Variants in GALNT13 observed in about 807,000 individuals in gnomAD.
GALNT13 encodes polypeptide N-acetylgalactosaminyltransferase 13.
A neutral mutation model predicts 64.2 loss-of-function variants in GALNT13; 28 were observed. The observed-to-expected ratio is 0.44, with a 90% CI of 0.32 to 0.60. The LOEUF (loss-of-function observed/expected upper bound fraction) is 0.60, where lower values mean the gene tolerates loss of function less well. Among genes scored for constraint, GALNT13 ranks in the 20% least tolerant of loss-of-function variants. The pLI is 0.05. For missense variants in GALNT13, 577 were observed against 669.8 expected, an observed-to-expected ratio of 0.86 and a Z score of 1.53; for synonymous variants, 214 against 224.6, an observed-to-expected ratio of 0.95 and a Z score of 0.42.
intron 3 of GALNT13, among the ~76,000 whole-genome samples, chr2:153,994,375 A>G (rs1487516073): frequency 6.6e-6 from 1 of 152,244 alleles, no homozygotes; most frequent in Non-Finnish European, 1.5e-5. Flanking sequence ...TGCAATAAAC[A>G]TACGTGTGCA....
intron 10 of GALNT13, among the ~76,000 whole-genome samples, chr2:154,406,107 T>TA (rs879668518): frequency 5.3e-5 from 8 of 152,276 alleles, no homozygotes; most frequent in Admixed American, 2.6e-4. Flanking sequence ...TCCTGGTAAA[T>TA]AGAAATAGCA....
intron 3 of GALNT13, among the ~76,000 whole-genome samples, chr2:154,001,122 T>A (rs2105220466): frequency 6.6e-6 from 1 of 152,098 alleles, no homozygotes; most frequent in East Asian, 1.9e-4. Context: ...CTTTTTTTAG[T>A]TTCAGTTTGT....
the GALNT13 span, among the ~76,000 whole-genome samples, chr2:153,094,162 C>G: frequency 6.6e-6 from 1 of 151,944 alleles, no homozygotes; most frequent in Non-Finnish European, 1.5e-5. Flanking sequence ...TGTGTTCTGA[C>G]TTTATTTTTT....
the GALNT13 span, among the ~76,000 whole-genome samples, chr2:153,383,752 C>T: frequency 3.3e-5 from 5 of 151,992 alleles, no homozygotes; most frequent in Admixed American, 1.3e-4. Context: ...AGAGGCACCA[C>T]GGTATCAGTG....
intron 9 of GALNT13, among the ~76,000 whole-genome samples, chr2:154,359,917 G>C (rs1184332186): frequency 6.6e-6 from 1 of 151,988 alleles, no homozygotes; most frequent in South Asian, 2.1e-4. Flanking sequence ...GCTGTCTAAG[G>C]CAATCTGTTA....
chr2:153,725,897 A>C, the GALNT13 span, among the ~76,000 whole-genome samples: 1 of 152,192 alleles, frequency 6.6e-6, no homozygotes, highest in East Asian at 1.9e-4. Context: ...GTGTGTATAC[A>C]GTTATCTTAA....
At chr2:153,635,261 A>T in the GALNT13 span, among the ~76,000 whole-genome samples, 1 of 151,914 alleles carries the variant, frequency 6.6e-6, no homozygotes, top group Non-Finnish European at 1.5e-5. Context: ...AGTGGCAATC[A>T]TAAAAGATAG....
At chr2:154,085,041 A>C (rs1207096722) in intron 3 of GALNT13, among the ~76,000 whole-genome samples, 5 of 151,918 alleles carry the variant, frequency 3.3e-5, no homozygotes, top group Non-Finnish European at 7.4e-5. Context: ...AATGAATATG[A>C]CAGAGAACCC....
At chr2:153,768,043 GT>G in the GALNT13 span, among the ~76,000 whole-genome samples, 1 of 152,146 alleles carries the variant, frequency 6.6e-6, no homozygotes, top group Non-Finnish European at 1.5e-5. Context: ...GTCCAGAAGA[GT>G]TTTTCCTAGT....
chr2:153,964,931 C>T (rs1360516916), intron 3 of GALNT13, among the ~76,000 whole-genome samples: 3 of 151,926 alleles, frequency 2.0e-5, no homozygotes, highest in Non-Finnish European at 4.4e-5. Flanking sequence ...GTATTCATAA[C>T]TATTTGTCAT....
the GALNT13 span, among the ~76,000 whole-genome samples, chr2:153,296,608 AG>A: frequency 6.6e-6 from 1 of 152,196 alleles, no homozygotes; most frequent in Admixed American, 6.5e-5. Context: ...CTCAAGTGGC[AG>A]GATATATTCC....
intron 3 of GALNT13, among the ~76,000 whole-genome samples, chr2:154,020,197 T>A (rs1196193565): frequency 6.6e-6 from 1 of 152,218 alleles, no homozygotes; most frequent in Non-Finnish European, 1.5e-5. Flanking sequence ...TGATTTATAA[T>A]CCTTTGGGTA....
chr2:153,079,110 A>G, the GALNT13 span, among the ~76,000 whole-genome samples: 1 of 152,176 alleles, frequency 6.6e-6, no homozygotes, highest in Non-Finnish European at 1.5e-5. Context: ...GTGTGCCACT[A>G]TGAGTATGTT....
intron 1 of GALNT13, among the ~76,000 whole-genome samples, chr2:153,899,005 C>T (rs1248110838): frequency 2.0e-5 from 3 of 152,058 alleles, no homozygotes; most frequent in African/African-American, 7.2e-5. Context: ...CTGTTCCATA[C>T]CTGAGTCTAG....
At chr2:153,462,178 CA>C in the GALNT13 span, among the ~76,000 whole-genome samples, 1 of 151,562 alleles carries the variant, frequency 6.6e-6, no homozygotes, top group Non-Finnish European at 1.5e-5. Context: ...TTCTGTAATT[CA>C]AAATAACAAA....
chr2:153,661,385 A>G, the GALNT13 span, among the ~76,000 whole-genome samples: 2 of 152,148 alleles, frequency 1.3e-5, no homozygotes, highest in Non-Finnish European at 2.9e-5. Context: ...ACAATACATG[A>G]TTTATAAGAT....
chr2:153,917,130 T>C (rs1268748112), intron 2 of GALNT13, among the ~76,000 whole-genome samples: 1 of 135,222 alleles, frequency 7.4e-6, no homozygotes, highest in African/African-American at 3.0e-5. Context: ...TTCTGTGCAT[T>C]TTTTTTTTGC....
the GALNT13 span, among the ~76,000 whole-genome samples, chr2:153,866,166 TG>T: frequency 1.0e-5 from 1 of 96,938 alleles, no homozygotes; most frequent in African/African-American, 4.1e-5. Context: ...TGTTGTGGGG[TG>T]GGGGGAGGGG....
At chr2:153,256,229 G>A in the GALNT13 span, among the ~76,000 whole-genome samples, 15 of 151,084 alleles carry the variant, frequency 9.9e-5, no homozygotes, top group Middle Eastern at 3.4e-3. Flanking sequence ...ATCTTCCATC[G>A]CTGATACCCT....
Sources: gnomAD v4.1 joint callset for allele counts (sites outside exome capture counted in the v4.1 genomes callset) on GRCh38, gnomAD v4.1.1 for gene constraint, MANE v1.5 for transcripts, NCBI Gene and HGNC (gene_info 2026-07-23, HGNC 2026-07-21) for gene names.